The following MNAT1 variants were observed in gnomAD, a reference collection of about 807,000 sequenced individuals.
MNAT1 encodes CDK-activating kinase assembly factor MAT1.
MNAT1 carries 43 observed loss-of-function variants against 42.0 expected under a neutral mutation model. The observed-to-expected ratio is 1.02, with a 90% CI of 0.80 to 1.32. The LOEUF is 1.32. Ranked by LOEUF, MNAT1 falls within the 40% of genes most tolerant of loss-of-function variation. The pLI is 0.00. For missense variants in MNAT1, 306 were observed against 350.4 expected, an observed-to-expected ratio of 0.87 and a Z score of 1.01; for synonymous variants, 118 against 120.0, an observed-to-expected ratio of 0.98 and a Z score of 0.11.
intron 6 of MNAT1, among the ~76,000 whole-genome samples, chr14:60,851,823 T>C (rs2033830635): frequency 6.6e-6 from 1 of 152,194 alleles, no homozygotes; most frequent in African/African-American, 2.4e-5. Flanking sequence ...GATCCTGTGT[T>C]AGTTTGCTGA....
At chr14:60,821,121 C>G (rs1432010038) in intron 6 of MNAT1, among the ~76,000 whole-genome samples, 1 of 152,144 alleles carries the variant, frequency 6.6e-6, no homozygotes, top group Non-Finnish European at 1.5e-5. Flanking sequence ...TATCTTTCTC[C>G]TGCCCCCATC....
At chr14:60,872,243 A>G (rs2034341192) in intron 6 of MNAT1, among the ~76,000 whole-genome samples, 1 of 152,168 alleles carries the variant, frequency 6.6e-6, no homozygotes, top group Non-Finnish European at 1.5e-5. Flanking sequence ...GAACTAATAG[A>G]GAATTTGCTT....
intron 7 of MNAT1, among the ~76,000 whole-genome samples, chr14:60,946,341 A>C (rs2036276091): frequency 6.6e-6 from 1 of 152,190 alleles, no homozygotes; most frequent in African/African-American, 2.4e-5. Context: ...TTCATCCACC[A>C]AACCTAGTGG....
intron 3 of MNAT1, chr14:60,799,523 G>A (rs1322313939): frequency 1.2e-5 from 6 of 493,736 alleles, no homozygotes; most frequent in Admixed American, 6.4e-5. Flanking sequence ...AGCAATAAAG[G>A]GAAAGGAAAT....
intron 1 of MNAT1, among the ~76,000 whole-genome samples, chr14:60,749,293 T>C (rs1189283678): frequency 1.3e-5 from 2 of 152,224 alleles, no homozygotes; most frequent in African/African-American, 4.8e-5. Context: ...ACATTCAAAC[T>C]TATTTGTTAA....
intron 6 of MNAT1, among the ~76,000 whole-genome samples, chr14:60,822,238 T>C (rs1056172420): frequency 1.3e-5 from 2 of 152,196 alleles, no homozygotes; most frequent in Non-Finnish European, 2.9e-5. Context: ...CGTAATGTTC[T>C]ATTTATTTAA....
chr14:60,810,030 G>A (rs2032495059), intron 4 of MNAT1, among the ~76,000 whole-genome samples: 1 of 152,054 alleles, frequency 6.6e-6, no homozygotes, highest in Non-Finnish European at 1.5e-5. Context: ...CTAGTTCTAG[G>A]TCTTTTCAGA....
intron 7 of MNAT1, among the ~76,000 whole-genome samples, chr14:60,938,438 T>G (rs139648350): frequency 6.6e-6 from 1 of 151,922 alleles, no homozygotes; most frequent in African/African-American, 2.4e-5. Context: ...TAGCATGAAG[T>G]GTTGTTGAGT....
chr14:60,895,241 T>A (rs2034927354), intron 7 of MNAT1, among the ~76,000 whole-genome samples: 2 of 152,224 alleles, frequency 1.3e-5, no homozygotes. Flanking sequence ...AGCTATCTGC[T>A]TTCTTATTGT....
intron 7 of MNAT1, among the ~76,000 whole-genome samples, chr14:60,962,513 T>A (rs1233314454): frequency 6.6e-6 from 1 of 152,192 alleles, no homozygotes; most frequent in Non-Finnish European, 1.5e-5. Flanking sequence ...TTCTGTGTGT[T>A]CTATAGTTCA....
At chr14:60,797,218 C>T (rs946973427) in intron 2 of MNAT1, among the ~76,000 whole-genome samples, 5 of 152,066 alleles carry the variant, frequency 3.3e-5, no homozygotes, top group Non-Finnish European at 4.4e-5. Context: ...TTTATCAATC[C>T]GCCTAGCGGC....
At chr14:60,913,419 C>A (rs1176793460) in intron 7 of MNAT1, among the ~76,000 whole-genome samples, 1 of 152,106 alleles carries the variant, frequency 6.6e-6, no homozygotes, top group Non-Finnish European at 1.5e-5. Flanking sequence ...TTTAGAGTTT[C>A]CAGTTTTTCT....
intron 6 of MNAT1, among the ~76,000 whole-genome samples, chr14:60,835,244 G>T (rs924914416): frequency 7.2e-5 from 11 of 152,002 alleles, no homozygotes; most frequent in Non-Finnish European, 1.6e-4. Flanking sequence ...CATTTAGCCT[G>T]TTTACATTTA....
At position 60,968,262 on chromosome 14, in the gene MNAT1, G is replaced by A; in HGVS notation, c.843G>A (p.Gln281=). The A allele has an allele frequency of 6.2e-7, 1 of 1,613,866 alleles. No individual in the cohort carries two copies. The highest frequency in any genetic ancestry group is 1.1e-5 in the South Asian group (1 of 91,060). ...YLNHVRAASP[Q]DLAGGYTSSL... is the part of the protein sequence containing the mutation. ...ACCATGTCAGAGCTGCCTCACCACA[G>A]GACCTTGCTGGAGGCTATACTTCTT... Residue 281 remains glutamine, a synonymous_variant, in exon 8 of 8, where the codon CAG becomes CAA. Transcript: ENST00000261245.
intron 7 of MNAT1, among the ~76,000 whole-genome samples, chr14:60,910,448 A>G (rs1411162028): frequency 1.3e-5 from 2 of 152,226 alleles, no homozygotes; most frequent in East Asian, 3.9e-4. Flanking sequence ...TCAGTATGAT[A>G]TTGGCTGTGG....
chr14:60,810,459 T>C (rs993514181), intron 4 of MNAT1, among the ~76,000 whole-genome samples: 4 of 152,150 alleles, frequency 2.6e-5, no homozygotes, highest in Non-Finnish European at 5.9e-5. Context: ...CTTTCTTCTC[T>C]TTTAAAGTAG....
chr14:60,924,383 T>TAA (rs5809071), intron 7 of MNAT1, among the ~76,000 whole-genome samples: 10 of 130,246 alleles, frequency 7.7e-5, no homozygotes, highest in African/African-American at 2.0e-4. Flanking sequence ...AGTGCCTGTT[T>TAA]AAAAAAAAAA....
intron 7 of MNAT1, among the ~76,000 whole-genome samples, chr14:60,948,776 G>C (rs1014152879): frequency 2.0e-5 from 3 of 152,154 alleles, no homozygotes; most frequent in Admixed American, 2.0e-4. Context: ...TTCAAGATAT[G>C]TTAATTGAAT....
rs150857067 is a variant in MNAT1 at position 60,803,214 on chromosome 14, C to T, written c.316+5054C>T. Among the ~76,000 whole-genome samples the T allele has an allele frequency of 3.7e-3, 565 of 152,192 alleles. 4 individuals are homozygous for T. Among genetic ancestry groups the T allele is most frequent in the Non-Finnish European group, 5.3e-3 (359 of 68,002 alleles). ...CCTCCCAAAGTGCTGGGATTACAGG[C>T]GTGAGCCACCGCACCCAGCGAAAAC... On this transcript the variant is annotated intron_variant, in intron 3 of 7. Transcript: ENST00000261245.
Sources: gnomAD v4.1 joint callset for allele counts (sites outside exome capture counted in the v4.1 genomes callset) on GRCh38, gnomAD v4.1.1 for gene constraint, MANE v1.5 for transcripts, NCBI Gene and HGNC (gene_info 2026-07-23, HGNC 2026-07-21) for gene names.